NSMCE2: variants seen among roughly 807,000 people sequenced by gnomAD.
NSMCE2 encodes NSE2 SUMO ligase component of SMC5/6 complex.
A neutral mutation model predicts 23.8 loss-of-function variants in NSMCE2; 24 were observed. The observed-to-expected ratio is 1.01, with a 90% CI of 0.73 to 1.42. NSMCE2 has a LOEUF of 1.42. Among genes scored for constraint, NSMCE2 ranks in the 40% most tolerant of loss-of-function variants. The pLI, the probability that NSMCE2 is intolerant of heterozygous loss-of-function variation, is 0.00. For synonymous variants in NSMCE2, 92 were observed against 94.1 expected (o/e 0.98, Z 0.13); for missense variants, 284 against 296.5 (o/e 0.96, Z 0.31).
chr8:125,295,913 A>G (rs78655437), intron 5 of NSMCE2, among the ~76,000 whole-genome samples: 9,445 of 152,280 alleles, frequency 0.062, 371 homozygotes, highest in Non-Finnish European at 0.085. Flanking sequence ...CGTTGCCCCT[A>G]CTGAAGATCT....
chr8:125,272,235 C>T (rs1211817695), intron 5 of NSMCE2, among the ~76,000 whole-genome samples: 1 of 151,592 alleles, frequency 6.6e-6, no homozygotes, highest in East Asian at 1.9e-4. Context: ...AGGATGGTCT[C>T]GATCTCCTGA....
chr8:125,156,277 T>TA (rs572981601), intron 4 of NSMCE2: 144 of 157,588 alleles, frequency 9.1e-4, no homozygotes, highest in South Asian at 2.3e-3. Context: ...TTCAAAAAGA[T>TA]AAAAAAAAAA....
At position 125,357,227 on chromosome 8, in the gene NSMCE2, CAAGCTGACAGAG is replaced by C; in HGVS notation, c.436_447del (p.Arg146_Asp149del). 6.2e-7 allele frequency: 1 copy of C among 1,610,482 alleles called. No homozygotes were observed. The highest frequency in any genetic ancestry group is 8.5e-7 in the Non-Finnish European group (1 of 1,176,742). On this transcript the variant is annotated inframe_deletion, in exon 6 of 8. Transcript: ENST00000287437. ...TCTCCATTTTCCTCTAGGTGGTCTT[CAAGCTGACAGAG>C]AAGCTGACGGAACAGAAGGAGTGGA...
intron 5 of NSMCE2, among the ~76,000 whole-genome samples, chr8:125,315,633 T>C (rs1460097782): frequency 2.0e-5 from 3 of 152,232 alleles, no homozygotes; most frequent in African/African-American, 7.2e-5. Flanking sequence ...TGCTAAAGGT[T>C]AGTTCCTTTC....
At chr8:125,301,990 C>T (rs1343357108) in intron 5 of NSMCE2, among the ~76,000 whole-genome samples, 1 of 149,452 alleles carries the variant, frequency 6.7e-6, no homozygotes, top group Non-Finnish European at 1.5e-5. Context: ...GACCGAGTCT[C>T]ACTCTCTTGC....
chr8:125,115,244 C>T (rs1217721076), intron 3 of NSMCE2, among the ~76,000 whole-genome samples: 1 of 152,204 alleles, frequency 6.6e-6, no homozygotes, highest in East Asian at 1.9e-4. Context: ...CCCTCCCCAA[C>T]AGCTGGAGAG....
intron 5 of NSMCE2, among the ~76,000 whole-genome samples, chr8:125,240,229 A>G (rs1825716948): frequency 6.6e-6 from 1 of 151,038 alleles, no homozygotes; most frequent in Admixed American, 6.6e-5. Flanking sequence ...GGTTCAAGCC[A>G]TTCTTCTGCC....
intron 5 of NSMCE2, among the ~76,000 whole-genome samples, chr8:125,272,797 A>G (rs1315060983): frequency 2.8e-5 from 4 of 140,980 alleles, no homozygotes; most frequent in African/African-American, 1.1e-4. Flanking sequence ...ACACATGTGT[A>G]TATATATACA....
chr8:125,119,439 T>G (rs2130484594), intron 3 of NSMCE2, among the ~76,000 whole-genome samples: 1 of 152,346 alleles, frequency 6.6e-6, no homozygotes, highest in Non-Finnish European at 1.5e-5. Context: ...ATCCTGAGAA[T>G]AATTTTTCTA....
chr8:125,269,379 C>G (rs1256858771), intron 5 of NSMCE2, among the ~76,000 whole-genome samples: 1 of 152,200 alleles, frequency 6.6e-6, no homozygotes, highest in South Asian at 2.1e-4. Flanking sequence ...AGCCACTGCA[C>G]CCAGCCGACT....
chr8:125,365,583 C>T (rs112321099), intron 7 of NSMCE2, among the ~76,000 whole-genome samples: 4,951 of 152,232 alleles, frequency 0.033, 121 homozygotes, highest in African/African-American at 0.071. Flanking sequence ...AGTCCAGGCA[C>T]GGTGGCTCAT....
intron 5 of NSMCE2, among the ~76,000 whole-genome samples, chr8:125,232,670 C>T (rs1825376162): frequency 6.6e-6 from 1 of 152,176 alleles, no homozygotes; most frequent in Non-Finnish European, 1.5e-5. Flanking sequence ...CCACCTTCAA[C>T]ATTGGGCAAC....
chr8:125,120,068 A>G (rs937238537), intron 3 of NSMCE2, among the ~76,000 whole-genome samples: 2 of 152,210 alleles, frequency 1.3e-5, no homozygotes, highest in African/African-American at 4.8e-5. Context: ...ATATTTTAAC[A>G]TATAATCAAT....
At chr8:125,320,129 T>G (rs1473888074) in intron 5 of NSMCE2, among the ~76,000 whole-genome samples, 1 of 142,694 alleles carries the variant, frequency 7.0e-6, no homozygotes, top group Non-Finnish European at 1.5e-5. Flanking sequence ...TGAGCCGAGA[T>G]CACACCACCA....
rs370545927 is a variant in NSMCE2 at position 125,258,048 on chromosome 8, G to T, written c.418+75792G>T. ...GAGATTGAAGAGAGAAGAAAAAGAA[G>T]ATGTGATTCATGTAGTAGCATCTAT... On this transcript the variant is annotated intron_variant, in intron 5 of 7. Coordinates refer to ENST00000287437, the MANE Select transcript of NSMCE2 (RefSeq NM_173685.4). 7.9e-5 allele frequency among the ~76,000 whole-genome samples: 12 copies of T among 152,336 alleles called. 1 individual carries two copies. The South Asian group carries it at 2.5e-3, about 32-fold the overall frequency.
At chr8:125,176,914 G>T (rs35822368) in intron 4 of NSMCE2, among the ~76,000 whole-genome samples, 9,757 of 152,244 alleles carry the variant, frequency 0.064, 420 homozygotes, top group South Asian at 0.15. Context: ...TGCACTTATT[G>T]TGAGTTTCCT....
At chr8:125,249,152 C>T (rs1028054077) in intron 5 of NSMCE2, among the ~76,000 whole-genome samples, 2 of 148,174 alleles carry the variant, frequency 1.3e-5, no homozygotes, top group East Asian at 2.0e-4. Context: ...GCCTGGGTGA[C>T]GGAGCAAGAC....
intron 5 of NSMCE2, among the ~76,000 whole-genome samples, chr8:125,260,434 C>G (rs991799891): frequency 4.0e-5 from 6 of 151,548 alleles, no homozygotes; most frequent in African/African-American, 1.5e-4. Context: ...GGCTATATCT[C>G]TATACTTTCG....
In NSMCE2 at chr8:125,131,335, A is replaced by G. The variant is rs1389225091; in HGVS notation, c.158-19836A>G. 2.0e-5 allele frequency among the ~76,000 whole-genome samples: 3 copies of G among 152,210 alleles called. No homozygotes were observed. The East Asian group carries it at 5.8e-4, about 29-fold the overall frequency. On this transcript the variant is annotated intron_variant, in intron 3 of 7. Transcript: ENST00000287437. ...GCAGCAGTGTTAAGGCTAAGACCAGAGCAGTGAATGAAGCTGCAGTCAGAT... is the reference window on the plus strand; with the variant it reads ...GCAGCAGTGTTAAGGCTAAGACCAGGGCAGTGAATGAAGCTGCAGTCAGAT...
Sources: gnomAD v4.1 joint callset for allele counts (sites outside exome capture counted in the v4.1 genomes callset) on GRCh38, gnomAD v4.1.1 for gene constraint, MANE v1.5 for transcripts, NCBI Gene and HGNC (gene_info 2026-07-23, HGNC 2026-07-21) for gene names.